Variants in CEP126 observed in about 807,000 individuals in gnomAD.
CEP126 encodes the protein centrosomal protein of 126 kDa.
CEP126 carries 74 observed loss-of-function variants against 107.8 expected under a neutral mutation model. The ratio of observed to expected loss-of-function variants is 0.69; its 90% CI spans 0.57 to 0.83. The LOEUF (loss-of-function observed/expected upper bound fraction) is 0.83, where lower values mean the gene tolerates loss of function less well. CEP126 is among the 40% of genes least tolerant of loss of function. CEP126 has a pLI of 0.00. For synonymous variants in CEP126, 449 were observed against 446.0 expected (o/e 1.01, Z -0.08); for missense variants, 1,237 against 1,281.9 (o/e 0.96, Z 0.53).
chr11:101,946,209 A>G (rs1447125805), intron 3 of CEP126, among the ~76,000 whole-genome samples: 1 of 152,080 alleles, frequency 6.6e-6, no homozygotes, highest in African/African-American at 2.4e-5. Flanking sequence ...TACTATATTC[A>G]AGAGATATAA....
chr11:101,993,113 T>C (rs1051351941), intron 10 of CEP126, among the ~76,000 whole-genome samples: 5 of 152,162 alleles, frequency 3.3e-5, no homozygotes, highest in African/African-American at 9.7e-5. Flanking sequence ...AATAAGTAAA[T>C]TGTGTATCGC....
At chr11:101,935,351 T>C (rs1350649036) in intron 2 of CEP126, among the ~76,000 whole-genome samples, 2 of 152,034 alleles carry the variant, frequency 1.3e-5, no homozygotes, top group African/African-American at 4.8e-5. Context: ...CAGTTTTACA[T>C]TGTGATGACG....
intron 8 of CEP126, among the ~76,000 whole-genome samples, chr11:101,982,473 A>G (rs966901176): frequency 2.6e-5 from 4 of 152,110 alleles, no homozygotes; most frequent in African/African-American, 9.7e-5. Flanking sequence ...TGATTTCTAT[A>G]CCTTTCATTA....
At chr11:101,939,488 T>C (rs2137092409) in intron 2 of CEP126, among the ~76,000 whole-genome samples, 1 of 152,350 alleles carries the variant, frequency 6.6e-6, no homozygotes, top group East Asian at 1.9e-4. Context: ...TCAGCCCGTG[T>C]ATATTTGCAA....
chr11:101,987,738 G>A (rs1941332173), intron 9 of CEP126, among the ~76,000 whole-genome samples: 1 of 151,234 alleles, frequency 6.6e-6, no homozygotes, highest in African/African-American at 2.4e-5. Context: ...TGATCCCTGA[G>A]AATGTAGAAT....
chr11:101,965,552 C>G (rs1432717483), intron 6 of CEP126, among the ~76,000 whole-genome samples: 1 of 152,124 alleles, frequency 6.6e-6, no homozygotes, highest in Non-Finnish European at 1.5e-5. Context: ...AATTGTTTCT[C>G]TCACTAAAAT....
chr11:101,973,091 T>G (rs1941153048), intron 6 of CEP126, among the ~76,000 whole-genome samples: 1 of 152,226 alleles, frequency 6.6e-6, no homozygotes, highest in Non-Finnish European at 1.5e-5. Context: ...AGTTTCCTCC[T>G]TTTATGAATA....
chr11:101,933,452 A>G (rs1011205629), intron 2 of CEP126, among the ~76,000 whole-genome samples: 1 of 152,160 alleles, frequency 6.6e-6, no homozygotes, highest in Non-Finnish European at 1.5e-5. Flanking sequence ...CTTCCACTTA[A>G]TAGTTATGTG....
intron 3 of CEP126, among the ~76,000 whole-genome samples, chr11:101,947,100 A>G (rs1180222709): frequency 2.6e-5 from 4 of 152,224 alleles, no homozygotes; most frequent in African/African-American, 7.2e-5. Flanking sequence ...ACATAATAAC[A>G]TCCTATTTTT....
intron 4 of CEP126, among the ~76,000 whole-genome samples, chr11:101,954,550 A>G (rs1940858257): frequency 6.6e-6 from 1 of 152,178 alleles, no homozygotes; most frequent in Non-Finnish European, 1.5e-5. Flanking sequence ...ATTGTGCATT[A>G]GAATACCTAG....
At chr11:101,940,175 A>G (rs571839848) in intron 2 of CEP126, among the ~76,000 whole-genome samples, 2 of 152,354 alleles carry the variant, frequency 1.3e-5, no homozygotes, top group South Asian at 4.1e-4. Flanking sequence ...ACTATCAGCC[A>G]TGAGACATAA....
intron 10 of CEP126, among the ~76,000 whole-genome samples, chr11:101,994,484 G>A (rs1260354822): frequency 6.6e-6 from 1 of 151,930 alleles, no homozygotes; most frequent in Non-Finnish European, 1.5e-5. Flanking sequence ...TTATCCTCCA[G>A]GGTTTTTATA....
At chr11:101,926,395 T>C (rs1318780290) in intron 2 of CEP126, among the ~76,000 whole-genome samples, 1 of 152,208 alleles carries the variant, frequency 6.6e-6, no homozygotes, top group Non-Finnish European at 1.5e-5. Context: ...CATGGGAATA[T>C]GTGGAAGAGT....
At chr11:101,982,150 A>C (rs895162657) in intron 8 of CEP126, among the ~76,000 whole-genome samples, 186 bp downstream of exon 8, 2 of 152,138 alleles carry the variant, frequency 1.3e-5, no homozygotes, top group Non-Finnish European at 1.5e-5. Context: ...AATGTATTGA[A>C]CATCTTTCTA....
At chr11:101,969,910 C>T (rs920983231) in intron 6 of CEP126, among the ~76,000 whole-genome samples, 1 of 152,052 alleles carries the variant, frequency 6.6e-6, no homozygotes, top group African/African-American at 2.4e-5. Flanking sequence ...CTTATCTTAC[C>T]ACATACACAA....
rs1454587682 is a variant in CEP126, at chr11:101,999,449, G to A, written c.*1806G>A. ...CAAAGAATGCCTCTACAAGCAAAAA[G>A]ATAGTTGAAAATAGTTAAGATCCAA... On this transcript the variant is annotated 3_prime_UTR_variant, in exon 11 of 11. Transcript: ENST00000263468. 2.2e-4 allele frequency: 19 copies of A among 87,198 alleles called. No individual in the cohort carries two copies. In the East Asian group the frequency reaches 7.3e-3, roughly 33 times the overall value. The allele number at this position is 87,198 out of a possible 1,614,324, so 5.4% of individuals were successfully genotyped here.
chr11:101,924,466 G>A (rs908652761), intron 2 of CEP126, among the ~76,000 whole-genome samples: 5 of 151,192 alleles, frequency 3.3e-5, no homozygotes, highest in African/African-American at 1.2e-4. Context: ...GTGGTTTTTT[G>A]TTTTGTTTTG....
intron 1 of CEP126, among the ~76,000 whole-genome samples, chr11:101,917,937 A>T (rs1940253628): frequency 6.6e-6 from 1 of 152,186 alleles, no homozygotes; most frequent in African/African-American, 2.4e-5. Flanking sequence ...AGCTTCACCT[A>T]AACAGGAACA....
intron 8 of CEP126, among the ~76,000 whole-genome samples, chr11:101,985,049 C>T (rs941624976): frequency 3.3e-5 from 5 of 152,042 alleles, no homozygotes; most frequent in Non-Finnish European, 7.4e-5. Context: ...TAAGTACTTA[C>T]GTGTGAATAG....
Sources: gnomAD v4.1 joint callset for allele counts (sites outside exome capture counted in the v4.1 genomes callset) on GRCh38, gnomAD v4.1.1 for gene constraint, MANE v1.5 for transcripts, NCBI Gene and HGNC (gene_info 2026-07-23, HGNC 2026-07-21) for gene names.